CDH13: variants seen among roughly 807,000 people sequenced by gnomAD.
The protein encoded by CDH13 is cadherin-13.
In CDH13, 24 loss-of-function variants were observed where a neutral mutation model predicts 63.8. That is an observed-to-expected ratio of 0.38 (90% CI 0.27 to 0.53). The LOEUF (loss-of-function observed/expected upper bound fraction) is 0.53, where lower values mean the gene tolerates loss of function less well. CDH13 is among the 20% of genes least tolerant of loss of function. The probability of loss-of-function intolerance (pLI) is 0.85; values close to 1 mark genes in which losing one functional copy is unlikely to be tolerated. For synonymous variants in CDH13, 503 were observed against 355.3 expected (o/e 1.42, Z -4.67); for missense variants, 1,049 against 903.1 (o/e 1.16, Z -2.07).
At chr16:83,282,823 A>C (rs1188715265) in intron 5 of CDH13, among the ~76,000 whole-genome samples, 1 of 152,224 alleles carries the variant, frequency 6.6e-6, no homozygotes, top group Non-Finnish European at 1.5e-5. Context: ...GATTTTCATC[A>C]AAGCATATTT....
intron 1 of CDH13, among the ~76,000 whole-genome samples, chr16:82,640,389 A>G (rs541828535): frequency 6.6e-6 from 1 of 152,200 alleles, no homozygotes; most frequent in African/African-American, 2.4e-5. Flanking sequence ...ACTGTTGGGA[A>G]TTTACGAATA....
intron 2 of CDH13, among the ~76,000 whole-genome samples, chr16:83,001,619 C>T (rs1912940560): frequency 6.6e-6 from 1 of 152,150 alleles, no homozygotes; most frequent in African/African-American, 2.4e-5. Context: ...TATCTGGCAG[C>T]CATGTTAATG....
At chr16:82,656,691 C>A (rs1018001866) in intron 1 of CDH13, among the ~76,000 whole-genome samples, 1 of 152,164 alleles carries the variant, frequency 6.6e-6, no homozygotes, top group Non-Finnish European at 1.5e-5. Flanking sequence ...TGATATCACA[C>A]AGAATAGTTG....
chr16:83,528,239 G>C (rs1291680521), intron 7 of CDH13, among the ~76,000 whole-genome samples: 1 of 152,168 alleles, frequency 6.6e-6, no homozygotes, highest in East Asian at 1.9e-4. Flanking sequence ...ATTCCAAAAG[G>C]AACACTATAA....
intron 3 of CDH13, among the ~76,000 whole-genome samples, chr16:83,048,473 T>G (rs542543576): frequency 1.3e-5 from 2 of 152,322 alleles, no homozygotes; most frequent in South Asian, 4.1e-4. Flanking sequence ...ATTATTCATC[T>G]TTAATTTATT....
At chr16:83,719,110 A>G (rs982415456) in intron 10 of CDH13, among the ~76,000 whole-genome samples, 1 of 152,268 alleles carries the variant, frequency 6.6e-6, no homozygotes, top group African/African-American at 2.4e-5. Context: ...CAGCCCATTC[A>G]TCTCTTGGGG....
At chr16:83,466,776 T>G (rs2073327759) in intron 6 of CDH13, among the ~76,000 whole-genome samples, 1 of 152,220 alleles carries the variant, frequency 6.6e-6, no homozygotes, top group Admixed American at 6.5e-5. Flanking sequence ...CTTAAGTCAC[T>G]GTTATCAGAT....
At chr16:83,755,898 A>C (rs1388014116) in intron 11 of CDH13, among the ~76,000 whole-genome samples, 1 of 152,244 alleles carries the variant, frequency 6.6e-6, no homozygotes, top group Non-Finnish European at 1.5e-5. Flanking sequence ...TATAAAGTAA[A>C]AAAGTAAATG....
At chr16:83,191,700 C>T (rs183547394) in intron 4 of CDH13, among the ~76,000 whole-genome samples, 28 of 151,576 alleles carry the variant, frequency 1.8e-4, no homozygotes, top group African/African-American at 6.0e-4. Context: ...GTTTGATGTT[C>T]GAGGGCAGGA....
At chr16:83,072,142 G>A (rs2032483895) in intron 3 of CDH13, among the ~76,000 whole-genome samples, 1 of 152,252 alleles carries the variant, frequency 6.6e-6, no homozygotes, top group Non-Finnish European at 1.5e-5. Flanking sequence ...CTTAGTTTCT[G>A]AAATTGTGCA....
chr16:83,620,380 A>T (rs1909698563), intron 8 of CDH13, among the ~76,000 whole-genome samples: 1 of 113,320 alleles, frequency 8.8e-6, no homozygotes, highest in Non-Finnish European at 1.7e-5. Context: ...ACAGAGCGAG[A>T]CTCCGTCTCA....
intron 6 of CDH13, among the ~76,000 whole-genome samples, chr16:83,395,853 G>T (rs1395586306): frequency 6.6e-6 from 1 of 152,096 alleles, no homozygotes; most frequent in African/African-American, 2.4e-5. Context: ...TTGTTACATA[G>T]GTAAACGTGT....
chr16:83,693,039 C>T (rs1017616996), intron 10 of CDH13, among the ~76,000 whole-genome samples: 1 of 152,190 alleles, frequency 6.6e-6, no homozygotes, highest in Non-Finnish European at 1.5e-5. Flanking sequence ...GCTGAGACTG[C>T]ACCACTACAC....
intron 10 of CDH13, among the ~76,000 whole-genome samples, chr16:83,686,948 C>T (rs1204046299): frequency 6.6e-6 from 1 of 152,120 alleles, no homozygotes; most frequent in Non-Finnish European, 1.5e-5. Context: ...GTGGCTCATG[C>T]TTTGTAATCC....
At chr16:82,700,479 A>T (rs984709774) in intron 1 of CDH13, among the ~76,000 whole-genome samples, 1 of 151,990 alleles carries the variant, frequency 6.6e-6, no homozygotes, top group Non-Finnish European at 1.5e-5. Flanking sequence ...TAATAAAGTC[A>T]AACTTTATTA....
chr16:82,868,498 T>C (rs1356019051), intron 2 of CDH13, among the ~76,000 whole-genome samples: 1 of 152,206 alleles, frequency 6.6e-6, no homozygotes. Flanking sequence ...AACAAAATGT[T>C]TAGAGATCCT....
At chr16:83,243,382 T>G (rs1904667741) in intron 5 of CDH13, among the ~76,000 whole-genome samples, 2 of 152,090 alleles carry the variant, frequency 1.3e-5, no homozygotes, top group Non-Finnish European at 2.9e-5. Context: ...GCAGGAAATT[T>G]CCCTTTATAA....
At chr16:83,266,540 C>G (rs1597622605) in intron 5 of CDH13, among the ~76,000 whole-genome samples, 1 of 152,126 alleles carries the variant, frequency 6.6e-6, no homozygotes, top group East Asian at 1.9e-4. Flanking sequence ...GAACCCACTC[C>G]CACTGTAACT....
intron 2 of CDH13, among the ~76,000 whole-genome samples, chr16:82,892,263 C>A (rs1380966042): frequency 2.6e-5 from 4 of 152,198 alleles, no homozygotes; most frequent in Non-Finnish European, 4.4e-5. Context: ...ACAAAACACT[C>A]AATAAGAATT....
Sources: gnomAD v4.1 joint callset for allele counts (sites outside exome capture counted in the v4.1 genomes callset) on GRCh38, gnomAD v4.1.1 for gene constraint, MANE v1.5 for transcripts, NCBI Gene and HGNC (gene_info 2026-07-23, HGNC 2026-07-21) for gene names.